AK4: variants seen among roughly 807,000 people sequenced by gnomAD.
The protein encoded by AK4 is adenylate kinase 4, mitochondrial.
A neutral mutation model predicts 24.6 loss-of-function variants in AK4; 13 were observed. That is an observed-to-expected ratio of 0.53 (90% confidence interval 0.34 to 0.84). AK4 has a LOEUF of 0.84. Among genes scored for constraint, AK4 ranks in the 40% least tolerant of loss-of-function variants. AK4 has a pLI of 0.01. For synonymous variants in AK4, 88 were observed against 107.0 expected (o/e 0.82, Z 1.10); for missense variants, 192 against 288.2 (o/e 0.67, Z 2.42).
chr1:65,202,692 G>T lies in AK4; in HGVS notation c.265+11863G>T, dbSNP rs560570556. 3.9e-5 allele frequency among the ~76,000 whole-genome samples: 6 copies of T among 152,078 alleles called. No individual in the cohort carries two copies. In the South Asian group the frequency reaches 1.2e-3, roughly 32 times the overall value. On this transcript the variant is annotated intron_variant, in intron 2 of 4. Transcript: ENST00000327299. ...ATGAATTAAGAAAATTCATTACAAA[G>T]CATCATTCAAGGCATTTGAGGGCAT...
chr1:65,220,042 A>C (rs1226891885), intron 3 of AK4, among the ~76,000 whole-genome samples: 1 of 152,172 alleles, frequency 6.6e-6, no homozygotes, highest in African/African-American at 2.4e-5. Context: ...AGTGATATGC[A>C]CTACACATTC....
chr1:65,154,215 T>C (rs913408903), intron 1 of AK4, among the ~76,000 whole-genome samples: 2 of 152,034 alleles, frequency 1.3e-5, no homozygotes, highest in African/African-American at 4.8e-5. Context: ...ATTTGGGATA[T>C]ATATGAAGGC....
At chr1:65,213,879 A>G (rs1026143045) in intron 2 of AK4, among the ~76,000 whole-genome samples, 5 of 152,192 alleles carry the variant, frequency 3.3e-5, no homozygotes, top group African/African-American at 7.2e-5. Context: ...CCCCAATCCA[A>G]TCTGACTGGC....
chr1:65,147,624 G>A (rs1649604305), upstream of AK4: 1 of 152,100 alleles, frequency 6.6e-6, no homozygotes, highest in African/African-American at 2.4e-5. Flanking sequence ...CGCCCTGCAG[G>A]ATCCGGGCTG....
chr1:65,173,781 T>C (rs1650620926), intron 1 of AK4, among the ~76,000 whole-genome samples: 1 of 151,572 alleles, frequency 6.6e-6, no homozygotes, highest in Non-Finnish European at 1.5e-5. Flanking sequence ...CAGGATCCCC[T>C]AAACCCGGGA....
intron 1 of AK4, among the ~76,000 whole-genome samples, chr1:65,155,568 TAA>T (rs1475902824): frequency 1.3e-5 from 2 of 152,308 alleles, no homozygotes; most frequent in East Asian, 3.9e-4. Flanking sequence ...ATAATATGTA[TAA>T]GTTAGCAAAA....
Position 65,190,694 on chromosome 1 carries a change from C to G in AK4, c.146-16C>G, listed in dbSNP as rs753526076. ...AATTTTCTTGAATACCTCTTTTTTT[C>G]TTGTCTTTTTAATAGAAGTTGGTGA... On this transcript the variant is annotated splice_polypyrimidine_tract_variant and intron_variant, in intron 1 of 4. Coordinates refer to ENST00000327299, the MANE Select transcript of AK4 (RefSeq NM_013410.4). The G allele has an allele frequency of 1.1e-5, 18 of 1,596,306 alleles. No homozygotes were observed. Among genetic ancestry groups the G allele is most frequent in the Non-Finnish European group, 1.4e-5 (16 of 1,174,756 alleles).
chr1:65,186,436 A>G (rs1277346366), intron 1 of AK4, among the ~76,000 whole-genome samples: 2 of 152,184 alleles, frequency 1.3e-5, no homozygotes, highest in African/African-American at 4.8e-5. Flanking sequence ...CCCATGCAAC[A>G]CATTTTTATG....
chr1:65,215,794 A>G (rs1652111431), intron 2 of AK4, among the ~76,000 whole-genome samples: 1 of 152,214 alleles, frequency 6.6e-6, no homozygotes, highest in Non-Finnish European at 1.5e-5. Flanking sequence ...TGTTACCCTC[A>G]TTAGACAAAG....
At chr1:65,220,848 T>C (rs113908421) in intron 3 of AK4, among the ~76,000 whole-genome samples, 130 of 152,248 alleles carry the variant, frequency 8.5e-4, no homozygotes, top group African/African-American at 2.9e-3. Flanking sequence ...ACTACACCTC[T>C]TTATGTATAT....
intron 2 of AK4, among the ~76,000 whole-genome samples, chr1:65,217,967 A>G (rs1028443225): frequency 1.3e-5 from 2 of 152,230 alleles, no homozygotes; most frequent in Non-Finnish European, 2.9e-5. Context: ...AATGATTACC[A>G]CAGTTAGGTT....
chr1:65,197,059 C>G (rs979150253), intron 2 of AK4, among the ~76,000 whole-genome samples: 1 of 152,122 alleles, frequency 6.6e-6, no homozygotes, highest in African/African-American at 2.4e-5. Flanking sequence ...AAGACCAGCC[C>G]CCATAATTCA....
At position 65,228,988 on chromosome 1, in the gene AK4, A is replaced by G. The variant is rs1468297788; in HGVS notation, c.*2811A>G. ...ACTGAGTGAAATGTGCGGTTTTAGGACCTTCATAAACATCTCATTTAATCT... is the reference window on the plus strand; with the variant it reads ...ACTGAGTGAAATGTGCGGTTTTAGGGCCTTCATAAACATCTCATTTAATCT... On this transcript the variant is annotated 3_prime_UTR_variant, in exon 5 of 5. Transcript: ENST00000327299. The G allele has an allele frequency of 1.3e-5, 2 of 152,128 alleles. No individual in the cohort carries two copies. The highest frequency in any genetic ancestry group is 2.9e-5 in the Non-Finnish European group (2 of 68,030). The allele number at this position is 152,128 out of a possible 1,614,324, so 9.4% of individuals were successfully genotyped here. A position where few individuals can be genotyped will look rare whatever the true frequency, so the allele number is the denominator to read the frequency against.
chr1:65,204,152 TAAG>T (rs1236112125), intron 2 of AK4, among the ~76,000 whole-genome samples: 2 of 151,826 alleles, frequency 1.3e-5, no homozygotes, highest in African/African-American at 4.8e-5. Flanking sequence ...TGGAAATGTG[TAAG>T]AAGGCATCAG....
Position 65,200,552 on chromosome 1 carries a change from C to T in AK4, c.265+9723C>T, listed in dbSNP as rs547028865. Among the ~76,000 whole-genome samples the T allele has an allele frequency of 5.3e-5, 8 of 152,350 alleles. No homozygotes were observed. The South Asian group carries it at 1.2e-3, about 24-fold the overall frequency. ...TAGCACACTGCCATCTTCTTACACA[C>T]TTTATCCAAAGTACACAGCCTGATC... On this transcript the variant is annotated intron_variant, in intron 2 of 4. Transcript: ENST00000327299.
At chr1:65,162,965 C>G (rs950125756) in intron 1 of AK4, among the ~76,000 whole-genome samples, 5 of 152,144 alleles carry the variant, frequency 3.3e-5, no homozygotes, top group African/African-American at 1.2e-4. Context: ...TGTATCAGTA[C>G]TTTATTCATT....
At chr1:65,152,611 G>C (rs1286822728) in intron 1 of AK4, among the ~76,000 whole-genome samples, 1 of 151,320 alleles carries the variant, frequency 6.6e-6, no homozygotes, top group Non-Finnish European at 1.5e-5. Context: ...CATTTGGCCA[G>C]GCTGGTCTTG....
At chr1:65,179,204 G>C (rs771373766) in intron 1 of AK4, among the ~76,000 whole-genome samples, 29 of 152,196 alleles carry the variant, frequency 1.9e-4, no homozygotes, top group Non-Finnish European at 4.0e-4. Flanking sequence ...AGCAGGACCA[G>C]GTATTTCCTT....
At chr1:65,202,499 C>T (rs1393183336) in intron 2 of AK4, among the ~76,000 whole-genome samples, 3 of 152,170 alleles carry the variant, frequency 2.0e-5, no homozygotes, top group Admixed American at 6.5e-5. Context: ...TTGGGTGTGT[C>T]TTGACTTACA....
Sources: gnomAD v4.1 joint callset for allele counts (sites outside exome capture counted in the v4.1 genomes callset) on GRCh38, gnomAD v4.1.1 for gene constraint, MANE v1.5 for transcripts, NCBI Gene and HGNC (gene_info 2026-07-23, HGNC 2026-07-21) for gene names.